The following DNAL1 variants were observed in gnomAD, a reference collection of about 807,000 sequenced individuals.
The protein encoded by DNAL1 is chromosome 14 open reading frame 168.
A neutral mutation model predicts 29.4 loss-of-function variants in DNAL1; 17 were observed. The ratio of observed to expected loss-of-function variants is 0.58; its 90% CI spans 0.40 to 0.87. The LOEUF (loss-of-function observed/expected upper bound fraction) is 0.87, where lower values mean the gene tolerates loss of function less well. DNAL1 is among the 40% of genes least tolerant of loss of function. The pLI is 0.00. For synonymous variants in DNAL1, 78 were observed against 76.3 expected, an observed-to-expected ratio of 1.02 and a Z score of -0.12; for missense variants, 188 against 214.1, an observed-to-expected ratio of 0.88 and a Z score of 0.76.
chr14:73,668,432 CAAG>C (rs1258533090), intron 4 of DNAL1, among the ~76,000 whole-genome samples: 5 of 152,074 alleles, frequency 3.3e-5, no homozygotes, highest in Non-Finnish European at 7.4e-5. Flanking sequence ...TTTTTCATAT[CAAG>C]AAGCTTTAAA....
chr14:73,663,623 T>G (rs1891407114), intron 4 of DNAL1, among the ~76,000 whole-genome samples: 1 of 152,202 alleles, frequency 6.6e-6, no homozygotes, highest in African/African-American at 2.4e-5. Context: ...TGAAAAACAC[T>G]ATCTTACAAC....
intron 1 of DNAL1, among the ~76,000 whole-genome samples, chr14:73,654,238 C>A (rs1217047251): frequency 6.6e-6 from 1 of 152,102 alleles, no homozygotes; most frequent in Non-Finnish European, 1.5e-5. Flanking sequence ...ATTTTAATAT[C>A]AAGTATTGAA....
At chr14:73,694,151 G>C (rs67382612) in intron 7 of DNAL1, among the ~76,000 whole-genome samples, 22,876 of 151,074 alleles carry the variant, frequency 0.15, 2,848 homozygotes, top group East Asian at 0.67. Flanking sequence ...TGCACCTGTA[G>C]ATCCAGCTAC....
Position 73,654,868 on chromosome 14 carries a change from G to C in DNAL1, c.25G>C (p.Glu9Gln). The change falls in exon 2 of 8, where the codon GAA becomes CAA. Residue 9 changes from glutamate (E) to glutamine (Q), a missense_variant. By Grantham distance (29) the Glu-to-Gln change is conservative. Coordinates refer to ENST00000553645, the MANE Select transcript of DNAL1 (RefSeq NM_031427.4). The part of the protein sequence containing the change: MAKATTIK[E>Q]ALARWEEKTG... ...AAAGGCGAAAGCAACAACAATCAAA[G>C]AAGCCTTAGCGAGATGGGTGAGTAC... 1 of 1,523,694 alleles carries C rather than the reference G, an allele frequency of 6.6e-7. No homozygotes were observed. The highest frequency in any genetic ancestry group is 8.8e-7 in the Non-Finnish European group (1 of 1,138,162). 94.4% of individuals were successfully genotyped at this position (1,523,694 alleles called of 1,614,324 possible).
intron 3 of DNAL1, among the ~76,000 whole-genome samples, 181 bp downstream of exon 3, chr14:73,659,137 G>T (rs1857041997): frequency 6.6e-6 from 1 of 151,092 alleles, no homozygotes; most frequent in Admixed American, 6.6e-5. Context: ...ATTATTAATA[G>T]AAAATATTGA....
intron 7 of DNAL1, among the ~76,000 whole-genome samples, chr14:73,693,220 G>A (rs1434498341): frequency 1.3e-5 from 2 of 152,140 alleles, no homozygotes; most frequent in Admixed American, 6.6e-5. Context: ...CTTATACCCT[G>A]TAGGATGGTA....
intron 1 of DNAL1, among the ~76,000 whole-genome samples, chr14:73,652,609 T>G (rs1039662357): frequency 2.0e-5 from 3 of 152,108 alleles, no homozygotes; most frequent in Non-Finnish European, 4.4e-5. Flanking sequence ...TGCCTTCTTT[T>G]TTGCTCAATC....
chr14:73,654,888 G>A lies in DNAL1; in HGVS notation c.42+3G>A. ...TCAAAGAAGCCTTAGCGAGATGGGT[G>A]AGTACATGAGTTTTTCCTTCTTTTA... On this transcript the variant is annotated splice_donor_region_variant and intron_variant, in intron 2 of 7. Transcript: ENST00000553645. 1 of 1,542,868 alleles carries A rather than the reference G, an allele frequency of 6.5e-7. No homozygotes were observed. The highest frequency in any genetic ancestry group is 8.7e-7 in the Non-Finnish European group (1 of 1,144,652).
At chr14:73,682,061 G>A (rs1178154059) in intron 5 of DNAL1, among the ~76,000 whole-genome samples, 1 of 151,680 alleles carries the variant, frequency 6.6e-6, no homozygotes, top group African/African-American at 2.4e-5. Context: ...GCAGTGAGCC[G>A]AGATCGCACC....
chr14:73,662,402 G>A (rs1435489416), intron 4 of DNAL1, among the ~76,000 whole-genome samples: 2 of 151,944 alleles, frequency 1.3e-5, no homozygotes, highest in Admixed American at 6.6e-5. Context: ...CCTTATCCTC[G>A]TTAATGACAT....
At chr14:73,679,298 C>G (rs887292062) in intron 5 of DNAL1, among the ~76,000 whole-genome samples, 1 of 152,106 alleles carries the variant, frequency 6.6e-6, no homozygotes, top group African/African-American at 2.4e-5. Context: ...CCGGCCAAGA[C>G]TTTTGTTTTT....
chr14:73,666,145 G>A (rs1891472392), intron 4 of DNAL1, among the ~76,000 whole-genome samples: 2 of 152,142 alleles, frequency 1.3e-5, no homozygotes, highest in African/African-American at 4.8e-5. Flanking sequence ...TTATGCTTTA[G>A]CTTGCCTCCT....
chr14:73,680,610 T>G (rs1425806013), intron 5 of DNAL1, among the ~76,000 whole-genome samples: 2 of 152,182 alleles, frequency 1.3e-5, no homozygotes, highest in Non-Finnish European at 2.9e-5. Context: ...CCAAGGTGAT[T>G]AGCATATCAA....
In DNAL1 at chr14:73,676,617, T is replaced by C. The variant is rs564544035; in HGVS notation, c.264+5020T>C. On this transcript the variant is annotated intron_variant, in intron 5 of 7. Coordinates refer to ENST00000553645, the MANE Select transcript of DNAL1 (RefSeq NM_031427.4). Reference sequence around the variant, plus strand: ...TTTCTACAGTATCAGTATACAATCATGTATTTAACTATTCCTATACTGCTG... The same window carrying C: ...TTTCTACAGTATCAGTATACAATCACGTATTTAACTATTCCTATACTGCTG... Among the ~76,000 whole-genome samples the C allele has an allele frequency of 2.6e-5, 4 of 152,330 alleles. No individual in the cohort carries two copies. The East Asian group carries it at 7.7e-4, about 29-fold the overall frequency.
At chr14:73,683,904 A>G (rs1170867220) in intron 5 of DNAL1, among the ~76,000 whole-genome samples, 1 of 151,798 alleles carries the variant, frequency 6.6e-6, no homozygotes, top group Non-Finnish European at 1.5e-5. Flanking sequence ...ACGGGGTTTC[A>G]CCATGTTGGT....
chr14:73,655,790 T>C (rs1255523859), intron 2 of DNAL1, among the ~76,000 whole-genome samples: 3 of 152,072 alleles, frequency 2.0e-5, no homozygotes, highest in Non-Finnish European at 2.9e-5. Context: ...TTGTGGACAA[T>C]GTAAATCATG....
chr14:73,683,215 TTAAA>T (rs1358008696), intron 5 of DNAL1, among the ~76,000 whole-genome samples: 3 of 152,152 alleles, frequency 2.0e-5, no homozygotes, highest in African/African-American at 7.2e-5. Context: ...GGGGTATATC[TTAAA>T]TAACTATAAA....
intron 2 of DNAL1, among the ~76,000 whole-genome samples, chr14:73,655,374 C>T (rs1379951077): frequency 4.5e-5 from 6 of 133,426 alleles, no homozygotes; most frequent in Non-Finnish European, 6.3e-5. Flanking sequence ...GACGGAGTTT[C>T]GCTCTTGTCG....
intron 1 of DNAL1, among the ~76,000 whole-genome samples, chr14:73,646,454 T>C (rs190516942): frequency 6.1e-5 from 9 of 147,252 alleles, no homozygotes; most frequent in African/African-American, 2.2e-4. Context: ...TATTTAAACA[T>C]AGAAAAGCGG....
Sources: allele counts gnomAD v4.1 joint callset (sites outside exome capture counted in the v4.1 genomes callset), GRCh38; gene constraint gnomAD v4.1.1; transcripts MANE v1.5; gene names NCBI Gene and HGNC (gene_info 2026-07-23, HGNC 2026-07-21).